CDK8: variants seen among roughly 807,000 people sequenced by gnomAD.
CDK8 encodes cyclin-dependent kinase 8.
CDK8 carries 29 observed loss-of-function variants against 71.5 expected under a neutral mutation model. The ratio of observed to expected loss-of-function variants is 0.41; its 90% confidence interval spans 0.30 to 0.55. The LOEUF (loss-of-function observed/expected upper bound fraction) is 0.55. CDK8 is among the 20% of genes least tolerant of loss of function. CDK8 has a pLI of 0.37. For synonymous variants in CDK8, 161 were observed against 192.1 expected (o/e 0.84, Z 1.34); for missense variants, 288 against 572.6 (o/e 0.50, Z 5.07).
intron 1 of CDK8, among the ~76,000 whole-genome samples, chr13:26,286,670 C>T (rs1051726650): frequency 8.6e-5 from 13 of 152,044 alleles, no homozygotes; most frequent in South Asian, 2.1e-4. Flanking sequence ...GATTATTAAA[C>T]GAAAAAGCTT....
intron 1 of CDK8, 83 bp from the exon 2 acceptor site, chr13:26,337,484 T>C: frequency 2.0e-6 from 1 of 507,646 alleles, no homozygotes; most frequent in Non-Finnish European, 3.3e-6. Context: ...TTAAACGTGA[T>C]TTATATTTAT....
At chr13:26,317,281 A>G (rs1401444479) in intron 1 of CDK8, among the ~76,000 whole-genome samples, 3 of 152,218 alleles carry the variant, frequency 2.0e-5, no homozygotes, top group Non-Finnish European at 4.4e-5. Context: ...AAACAATGAT[A>G]AGCATTTATG....
intron 1 of CDK8, among the ~76,000 whole-genome samples, chr13:26,272,924 T>A (rs1872397476): frequency 6.6e-6 from 1 of 152,232 alleles, no homozygotes; most frequent in South Asian, 2.1e-4. Flanking sequence ...TTGGCTTGTC[T>A]TTTTACTTTC....
chr13:26,319,915 T>C (rs61944765), intron 1 of CDK8, among the ~76,000 whole-genome samples: 43 of 152,150 alleles, frequency 2.8e-4, no homozygotes, highest in Non-Finnish European at 5.0e-4. Flanking sequence ...AAATGAACTC[T>C]TGCATATATG....
In CDK8 at chr13:26,393,310, T is replaced by C; in HGVS notation, c.647-57T>C. ...AGAACCACTTTATTTTGCACCTTTC[T>C]TTTTCTTTTTTCCTTGCCTATTTTT... On this transcript the variant is annotated intron_variant, in intron 6 of 12. Transcript: ENST00000381527. 2 of 1,208,258 alleles carry C rather than the reference T, an allele frequency of 1.7e-6. 1 individual carries two copies. Among genetic ancestry groups the C allele is most frequent in the South Asian group, 3.1e-5 (2 of 64,306 alleles). 74.8% of individuals were successfully genotyped at this position (1,208,258 alleles called of 1,614,324 possible).
At chr13:26,334,397 G>T (rs1872890406) in intron 1 of CDK8, among the ~76,000 whole-genome samples, 1 of 152,122 alleles carries the variant, frequency 6.6e-6, no homozygotes, top group African/African-American at 2.4e-5. Flanking sequence ...CAATAACCCT[G>T]CCCATGAAAG....
At chr13:26,400,252 T>G in intron 9 of CDK8, 15 of 513,838 alleles carry the variant, frequency 2.9e-5, no homozygotes, top group East Asian at 6.7e-5. Context: ...GTAAAACAAG[T>G]GAGATTATGA....
intron 1 of CDK8, among the ~76,000 whole-genome samples, chr13:26,281,097 A>G (rs1207934122): frequency 1.3e-5 from 2 of 152,240 alleles, no homozygotes; most frequent in African/African-American, 4.8e-5. Flanking sequence ...AACAATAGCT[A>G]ATTCCACTGC....
intron 4 of CDK8, among the ~76,000 whole-genome samples, chr13:26,366,810 T>A (rs1164429576): frequency 6.6e-6 from 1 of 152,212 alleles, no homozygotes; most frequent in Non-Finnish European, 1.5e-5. Context: ...TGCTAATTTT[T>A]AAAAATTCAT....
At chr13:26,335,704 C>T (rs1237751842) in intron 1 of CDK8, among the ~76,000 whole-genome samples, 1 of 152,120 alleles carries the variant, frequency 6.6e-6, no homozygotes, top group Non-Finnish European at 1.5e-5. Context: ...TCCTTACCCA[C>T]AGTAGTCAAT....
chr13:26,349,651 T>C (rs564700639), intron 3 of CDK8, among the ~76,000 whole-genome samples: 5 of 152,322 alleles, frequency 3.3e-5, no homozygotes, highest in Non-Finnish European at 7.4e-5. Flanking sequence ...GCAAGTCTTT[T>C]AATGGCTTTG....
chr13:26,380,641 TA>T (rs536266544), intron 4 of CDK8, among the ~76,000 whole-genome samples: 21 of 149,672 alleles, frequency 1.4e-4, no homozygotes, highest in Admixed American at 2.7e-4. Context: ...CTGGCTGATT[TA>T]AAAAAAAAAA....
intron 4 of CDK8, among the ~76,000 whole-genome samples, chr13:26,369,407 C>T (rs374895859): frequency 7.0e-6 from 1 of 143,130 alleles, no homozygotes; most frequent in Non-Finnish European, 1.5e-5. Context: ...CAAGATCGCA[C>T]CACTGCACTC....
chr13:26,285,618 C>G (rs1443788313), intron 1 of CDK8, among the ~76,000 whole-genome samples: 1 of 152,192 alleles, frequency 6.6e-6, no homozygotes, highest in Non-Finnish European at 1.5e-5. Context: ...TTCCATTCGA[C>G]ATTGTACTAG....
At chr13:26,378,499 A>G (rs1013838695) in intron 4 of CDK8, among the ~76,000 whole-genome samples, 2 of 152,208 alleles carry the variant, frequency 1.3e-5, no homozygotes, top group East Asian at 1.9e-4. Context: ...CATTGCTTCA[A>G]ACAGTAGTAT....
At chr13:26,387,503 A>C (rs1250418200) in intron 6 of CDK8, among the ~76,000 whole-genome samples, 1 of 152,206 alleles carries the variant, frequency 6.6e-6, no homozygotes, top group Non-Finnish European at 1.5e-5. Flanking sequence ...TCTGAAGCCA[A>C]AGTCTTCAGG....
At chr13:26,394,280 A>C (rs1875885480) in intron 7 of CDK8, among the ~76,000 whole-genome samples, 1 of 152,218 alleles carries the variant, frequency 6.6e-6, no homozygotes, top group African/African-American at 2.4e-5. Context: ...AGACTAATAG[A>C]GATAATACCT....
intron 1 of CDK8, among the ~76,000 whole-genome samples, chr13:26,307,437 G>A (rs907943648): frequency 5.3e-5 from 8 of 152,154 alleles, no homozygotes; most frequent in African/African-American, 1.9e-4. Context: ...AGAGATTCAT[G>A]AGCAAAAGAA....
intron 12 of CDK8, among the ~76,000 whole-genome samples, chr13:26,402,057 CACTT>C (rs761750635): frequency 6.6e-6 from 1 of 152,200 alleles, no homozygotes; most frequent in Non-Finnish European, 1.5e-5. Flanking sequence ...CCAGTCTGGC[CACTT>C]ACTTCTCTGT....
Sources: allele counts gnomAD v4.1 joint callset (sites outside exome capture counted in the v4.1 genomes callset), GRCh38; gene constraint gnomAD v4.1.1; transcripts MANE v1.5; gene names NCBI Gene and HGNC (gene_info 2026-07-23, HGNC 2026-07-21).